The following PTPRT variants were observed in gnomAD, a reference collection of about 807,000 sequenced individuals.
PTPRT encodes the protein protein tyrosine phosphatase receptor type T.
PTPRT carries 56 observed loss-of-function variants against 176.8 expected under a neutral mutation model. The ratio of observed to expected loss-of-function variants is 0.32; its 90% CI spans 0.26 to 0.40. The LOEUF (loss-of-function observed/expected upper bound fraction) is 0.40. Ranked by LOEUF, PTPRT falls within the 10% of genes least tolerant of loss-of-function variation. The pLI is 1.00. For missense variants in PTPRT, 1,540 were observed against 1,908.2 expected (o/e 0.81, Z 3.60); for synonymous variants, 783 against 739.0 (o/e 1.06, Z -0.96).
intron 26 of PTPRT, among the ~76,000 whole-genome samples, chr20:42,099,732 A>G (rs1985739677): frequency 6.6e-6 from 1 of 152,178 alleles, no homozygotes; most frequent in Non-Finnish European, 1.5e-5. Context: ...TTTTCAGTGC[A>G]GTTACAAGCA....
intron 13 of PTPRT, among the ~76,000 whole-genome samples, chr20:42,259,039 C>T (rs150338089): frequency 2.6e-4 from 39 of 152,360 alleles, no homozygotes; most frequent in Admixed American, 5.2e-4. Flanking sequence ...CCCTCGTTTT[C>T]GGCCTCGAAT....
chr20:42,525,433 A>T (rs1224399150), intron 7 of PTPRT, among the ~76,000 whole-genome samples: 3 of 152,194 alleles, frequency 2.0e-5, no homozygotes, highest in Non-Finnish European at 4.4e-5. Context: ...GGTTCTTTTT[A>T]TTGAGAAATT....
In PTPRT at chr20:42,637,666, T is replaced by C. The variant is rs566137620; in HGVS notation, c.1153+40200A>G. 1.0e-3 allele frequency among the ~76,000 whole-genome samples: 155 copies of C among 152,260 alleles called. 2 individuals carry two copies. Among genetic ancestry groups the C allele is most frequent in the African/African-American group, 3.5e-3 (147 of 41,532 alleles). ...ATTTTCACCTGAAGAATAATATTTATTTACCGATTGTCAGCTCCTCTAAGA... is the reference window on the plus strand; with the variant it reads ...ATTTTCACCTGAAGAATAATATTTACTTACCGATTGTCAGCTCCTCTAAGA... On this transcript the variant is annotated intron_variant, in intron 7 of 30. Coordinates refer to ENST00000373187, the MANE Select transcript of PTPRT (RefSeq NM_007050.6).
At chr20:42,702,155 A>G (rs2075983071) in intron 6 of PTPRT, among the ~76,000 whole-genome samples, 2 of 152,058 alleles carry the variant, frequency 1.3e-5, no homozygotes, top group Admixed American at 6.6e-5. Context: ...CCTCATGAGT[A>G]TCCTCCCACC....
chr20:42,500,325 T>A (rs866323629), intron 7 of PTPRT, among the ~76,000 whole-genome samples: 2 of 152,034 alleles, frequency 1.3e-5, no homozygotes, highest in African/African-American at 2.4e-5. Context: ...GTCTACTCAC[T>A]ACCCCCATCA....
chr20:42,118,620 CTTG>C (rs1197074022), intron 20 of PTPRT, 120 bp from the exon 21 acceptor site: 40 of 650,414 alleles, frequency 6.1e-5, no homozygotes, highest in Admixed American at 3.0e-5. Flanking sequence ...CCAGGTGATC[CTTG>C]TTAAGACACC....
intron 6 of PTPRT, among the ~76,000 whole-genome samples, chr20:42,733,698 C>CA (rs1448439923): frequency 6.6e-6 from 1 of 152,236 alleles, no homozygotes; most frequent in African/African-American, 2.4e-5. Flanking sequence ...ACTGCCCTTG[C>CA]AGCCATCGGA....
chr20:42,715,742 G>A (rs1393093902), intron 6 of PTPRT, among the ~76,000 whole-genome samples: 1 of 152,208 alleles, frequency 6.6e-6, no homozygotes, highest in Non-Finnish European at 1.5e-5. Flanking sequence ...CATATTCATG[G>A]ATTGGAAGGT....
intron 9 of PTPRT, among the ~76,000 whole-genome samples, chr20:42,446,610 G>GTGTGTGTGTGTT (rs1555852580): frequency 1.3e-5 from 2 of 149,764 alleles, no homozygotes; most frequent in Non-Finnish European, 2.9e-5. Flanking sequence ...GTGTGTGTGT[G>GTGTGTGTGTGTT]TGTGTGTGTG....
intron 1 of PTPRT, among the ~76,000 whole-genome samples, chr20:43,185,015 C>T (rs1172883233): frequency 2.0e-5 from 3 of 152,160 alleles, no homozygotes; most frequent in African/African-American, 7.2e-5. Context: ...TTGATGAACC[C>T]CTGTCCCTGT....
intron 7 of PTPRT, among the ~76,000 whole-genome samples, chr20:42,599,180 T>C (rs2073731072): frequency 3.3e-5 from 5 of 152,036 alleles, no homozygotes. Flanking sequence ...AGCCAAGCAT[T>C]GAGGGTAATG....
At chr20:42,101,305 T>C (rs919347533) in intron 26 of PTPRT, among the ~76,000 whole-genome samples, 7 of 152,230 alleles carry the variant, frequency 4.6e-5, no homozygotes, top group African/African-American at 1.7e-4. Context: ...CTGGGTGACC[T>C]TGAGCAAGTC....
intron 16 of PTPRT, among the ~76,000 whole-genome samples, chr20:42,182,907 G>GGGGT (rs141769828): frequency 4.1e-5 from 6 of 144,708 alleles, no homozygotes; most frequent in East Asian, 2.2e-4. Context: ...TACAAGCAGG[G>GGGGT]GTGTGTGTGT....
intron 1 of PTPRT, among the ~76,000 whole-genome samples, chr20:42,923,436 C>T (rs918698444): frequency 2.6e-5 from 4 of 152,180 alleles, no homozygotes; most frequent in African/African-American, 4.8e-5. Context: ...TGCAAGACCT[C>T]GCAGATTAAT....
intron 9 of PTPRT, among the ~76,000 whole-genome samples, chr20:42,369,868 G>A (rs2058564344): frequency 6.6e-6 from 1 of 152,156 alleles, no homozygotes; most frequent in Non-Finnish European, 1.5e-5. Flanking sequence ...CTATTTTGAG[G>A]GATGTTGTGT....
intron 15 of PTPRT, among the ~76,000 whole-genome samples, chr20:42,231,528 A>T (rs1217939951): frequency 6.6e-6 from 1 of 152,178 alleles, no homozygotes; most frequent in East Asian, 1.9e-4. Flanking sequence ...GTAGTCTGGT[A>T]TAGGGTGCGC....
At chr20:42,235,544 C>T (rs142149056) in intron 15 of PTPRT, among the ~76,000 whole-genome samples, 2,158 of 152,200 alleles carry the variant, frequency 0.014, 45 homozygotes, top group African/African-American at 0.05. Flanking sequence ...TAGGCGTGAG[C>T]CACCGCACCT....
intron 1 of PTPRT, among the ~76,000 whole-genome samples, chr20:43,113,566 G>A (rs2012946545): frequency 6.6e-6 from 1 of 152,126 alleles, no homozygotes; most frequent in African/African-American, 2.4e-5. Flanking sequence ...CACCTACATG[G>A]CCAAGACAGT....
chr20:43,090,065 CA>C (rs1287128030), intron 1 of PTPRT, among the ~76,000 whole-genome samples: 1 of 152,176 alleles, frequency 6.6e-6, no homozygotes, highest in Non-Finnish European at 1.5e-5. Context: ...CCTAGTTCTA[CA>C]TTCCTAAAAT....
Sources: gnomAD v4.1 joint callset for allele counts (sites outside exome capture counted in the v4.1 genomes callset) on GRCh38, gnomAD v4.1.1 for gene constraint, MANE v1.5 for transcripts, NCBI Gene and HGNC (gene_info 2026-07-23, HGNC 2026-07-21) for gene names.